Variants in KANK1 observed in about 807,000 individuals in gnomAD.
KANK1 encodes the protein KN motif and ankyrin repeat domains 1.
A neutral mutation model predicts 106.2 loss-of-function variants in KANK1; 109 were observed. The observed-to-expected ratio is 1.03, with a 90% CI of 0.88 to 1.20. The LOEUF is 1.20. Ranked by LOEUF, KANK1 falls within the 50% of genes most tolerant of loss-of-function variation. The probability of loss-of-function intolerance (pLI) is 0.00; values close to 1 mark genes in which losing one functional copy is unlikely to be tolerated. For synonymous variants in KANK1, 873 were observed against 652.2 expected, an observed-to-expected ratio of 1.34 and a Z score of -5.16; for missense variants, 2,399 against 1,710.7, an observed-to-expected ratio of 1.40 and a Z score of -7.10.
intron 1 of KANK1, chr9:549,056 A>C (rs1440813180): frequency 1.3e-5 from 2 of 152,052 alleles, no homozygotes; most frequent in Non-Finnish European, 2.9e-5. Flanking sequence ...TTATAATTCC[A>C]CCAATAATTC....
intron 1 of KANK1, among the ~76,000 whole-genome samples, chr9:537,369 C>G (rs1028991054): frequency 1.3e-5 from 2 of 152,122 alleles, no homozygotes; most frequent in Non-Finnish European, 2.9e-5. Context: ...GTCAGGCCCT[C>G]ACAAGTTAAA....
intron 3 of KANK1, among the ~76,000 whole-genome samples, chr9:481,837 C>G (rs996766154): frequency 6.8e-6 from 1 of 147,506 alleles, no homozygotes; most frequent in Non-Finnish European, 1.5e-5. Flanking sequence ...AAGCAAGACC[C>G]TGTCTCTAAA....
At chr9:516,405 G>T (rs1587420618) in intron 1 of KANK1, among the ~76,000 whole-genome samples, 1 of 151,610 alleles carries the variant, frequency 6.6e-6, no homozygotes, top group Non-Finnish European at 1.5e-5. Context: ...GAAACAGTTG[G>T]GAGAAGCGAT....
intron 1 of KANK1, among the ~76,000 whole-genome samples, chr9:586,301 GC>G (rs1823447867): frequency 6.6e-6 from 1 of 152,214 alleles, no homozygotes; most frequent in Non-Finnish European, 1.5e-5. Flanking sequence ...ATGGGCCCAG[GC>G]CTATTCAAGG....
In KANK1 at chr9:619,935, G is replaced by A. The variant is rs1018267411; in HGVS notation, c.-83-56955G>A. Among the ~76,000 whole-genome samples the A allele has an allele frequency of 3.9e-5, 6 of 152,090 alleles. No individual in the cohort carries two copies. The East Asian group carries it at 7.7e-4, about 20-fold the overall frequency. ...GCAGATCACCTGAAGTCAGGAGTTC[G>A]AGACCAGCCTGGCCAACATGGCAAA... On this transcript the variant is annotated intron_variant, in intron 1 of 11. Coordinates refer to ENST00000382297, the MANE Select transcript of KANK1 (RefSeq NM_015158.5).
chr9:645,126 CAAAAA>C (rs56391632), intron 1 of KANK1, among the ~76,000 whole-genome samples: 2 of 71,126 alleles, frequency 2.8e-5, no homozygotes, highest in African/African-American at 6.4e-5. Flanking sequence ...TCCATCTCTA[CAAAAA>C]AAAAAAAAAA....
At chr9:476,159 A>AAG (rs1554717696) in intron 3 of KANK1, among the ~76,000 whole-genome samples, 8 of 151,884 alleles carry the variant, frequency 5.3e-5, no homozygotes, top group South Asian at 2.1e-4. Flanking sequence ...AAAAAAAAAA[A>AAG]AGTTAGAAAA....
chr9:618,026 A>C (rs182155945), intron 1 of KANK1, among the ~76,000 whole-genome samples: 2 of 152,254 alleles, frequency 1.3e-5, no homozygotes. Context: ...CCTGCCTCCT[A>C]ATATAATTTA....
At chr9:642,904 A>G (rs1293084761) in intron 1 of KANK1, among the ~76,000 whole-genome samples, 2 of 150,366 alleles carry the variant, frequency 1.3e-5, no homozygotes, top group African/African-American at 2.5e-5. Context: ...AAGTAATGGC[A>G]ATGGTAAGTA....
chr9:528,275 T>TAAA lies in KANK1; in HGVS notation c.-84+23525_-84+23527dup, dbSNP rs1487966987. Among the ~76,000 whole-genome samples, 2 of 152,028 alleles carry TAAA rather than the reference T, an allele frequency of 1.3e-5. 1 individual carries two copies. The highest frequency in any genetic ancestry group is 4.8e-5 in the African/African-American group (2 of 41,416). ...AATGTTTTTCAATTATTGGAACATT[T>TAAA]AAAAAATTATATTTAGATAACTTTC... On this transcript the variant is annotated intron_variant, in intron 1 of 11. Transcript: ENST00000382297.
chr9:735,094 C>T (rs912007269), intron 7 of KANK1, among the ~76,000 whole-genome samples: 1 of 152,224 alleles, frequency 6.6e-6, no homozygotes, highest in Non-Finnish European at 1.5e-5. Flanking sequence ...GAGGCGTACA[C>T]TTGCAGACAG....
chr9:654,891 C>A (rs552404828), intron 1 of KANK1, among the ~76,000 whole-genome samples: 1 of 151,946 alleles, frequency 6.6e-6, no homozygotes, highest in Admixed American at 6.6e-5. Context: ...CTGCCAAGTT[C>A]AAGTTCCCTA....
chr9:486,103 C>T (rs1411552366), intron 3 of KANK1, among the ~76,000 whole-genome samples: 1 of 152,134 alleles, frequency 6.6e-6, no homozygotes, highest in Non-Finnish European at 1.5e-5. Context: ...TGACCAGACT[C>T]TAAAGATTAG....
intron 2 of KANK1, among the ~76,000 whole-genome samples, chr9:697,633 G>A (rs960589996): frequency 2.0e-5 from 3 of 152,030 alleles, no homozygotes; most frequent in African/African-American, 7.3e-5. Context: ...GTGATTTTCT[G>A]TTGACATAAT....
At position 646,942 on chromosome 9, in the gene KANK1, C is replaced by T. The variant is rs559217437; in HGVS notation, c.-83-29948C>T. On this transcript the variant is annotated intron_variant, in intron 1 of 11. Transcript: ENST00000382297. Reference sequence around the variant, plus strand: ...CAAACTCCTGACCTGAAGTAATCCACCCGCCTCAGCCTCCCAAAGTATTGG... The same window carrying T: ...CAAACTCCTGACCTGAAGTAATCCATCCGCCTCAGCCTCCCAAAGTATTGG... 1.3e-3 allele frequency among the ~76,000 whole-genome samples: 192 copies of T among 150,874 alleles called. 17 individuals carry two copies. The highest frequency in any genetic ancestry group is 4.5e-3 in the African/African-American group (182 of 40,220).
intron 3 of KANK1, among the ~76,000 whole-genome samples, chr9:494,783 C>T (rs2058433517): frequency 6.6e-6 from 1 of 152,162 alleles, no homozygotes. Flanking sequence ...TCAAACAGTC[C>T]CTTTTGTTGG....
intron 1 of KANK1, among the ~76,000 whole-genome samples, chr9:628,103 G>T (rs1834793778): frequency 6.6e-6 from 1 of 152,178 alleles, no homozygotes; most frequent in African/African-American, 2.4e-5. Flanking sequence ...TAATCCTAGA[G>T]AGTATTTCCT....
chr9:547,145 G>T (rs148822243), intron 1 of KANK1, among the ~76,000 whole-genome samples: 2 of 152,200 alleles, frequency 1.3e-5, no homozygotes, highest in African/African-American at 4.8e-5. Flanking sequence ...ATTGCAGCAC[G>T]AGAGTCCCTT....
intron 10 of KANK1, among the ~76,000 whole-genome samples, chr9:743,272 G>A (rs1836180091): frequency 6.6e-6 from 1 of 152,192 alleles, no homozygotes; most frequent in East Asian, 1.9e-4. Flanking sequence ...GCCCAAGCCA[G>A]TAGGGAGAAA....
Sources: allele counts gnomAD v4.1 joint callset (sites outside exome capture counted in the v4.1 genomes callset), GRCh38; gene constraint gnomAD v4.1.1; transcripts MANE v1.5; gene names NCBI Gene and HGNC (gene_info 2026-07-23, HGNC 2026-07-21).